The following NRCAM variants were observed in gnomAD, a reference collection of about 807,000 sequenced individuals.
The protein encoded by NRCAM is NgCAM-related cell adhesion molecule.
NRCAM carries 83 observed loss-of-function variants against 156.5 expected under a neutral mutation model. That is an observed-to-expected ratio of 0.53 (90% CI 0.44 to 0.64). The LOEUF (loss-of-function observed/expected upper bound fraction) is 0.64. NRCAM is among the 30% of genes least tolerant of loss of function. The pLI, the probability that NRCAM is intolerant of heterozygous loss-of-function variation, is 0.00. For synonymous variants in NRCAM, 538 were observed against 563.9 expected, an observed-to-expected ratio of 0.95 and a Z score of 0.65; for missense variants, 1,417 against 1,597.3, an observed-to-expected ratio of 0.89 and a Z score of 1.92.
At chr7:108,322,502 T>G (rs768273356) in intron 2 of NRCAM, among the ~76,000 whole-genome samples, 33 of 152,254 alleles carry the variant, frequency 2.2e-4, no homozygotes, top group Non-Finnish European at 3.8e-4. Context: ...CTGCAAACAC[T>G]GATTTTGTTT....
At chr7:108,194,216 T>C in intron 16 of NRCAM, 45 bp from the exon 17 acceptor site, 1 of 1,611,556 alleles carries the variant, frequency 6.2e-7, no homozygotes, top group Non-Finnish European at 8.5e-7. Context: ...AGCTGGAGAA[T>C]TTGTTCAAAG....
intron 2 of NRCAM, among the ~76,000 whole-genome samples, chr7:108,370,586 T>G (rs1323467672): frequency 6.6e-6 from 1 of 152,106 alleles, no homozygotes. Context: ...AATAAAATCG[T>G]AACGTTTTTC....
intron 1 of NRCAM, among the ~76,000 whole-genome samples, chr7:108,438,852 T>C (rs962599897): frequency 6.6e-6 from 1 of 152,102 alleles, no homozygotes; most frequent in African/African-American, 2.4e-5. Flanking sequence ...TCTAAAATGA[T>C]ATGAAGGAAA....
intron 2 of NRCAM, among the ~76,000 whole-genome samples, chr7:108,333,512 AT>A (rs143464206): frequency 0.017 from 2,611 of 152,256 alleles, 73 homozygotes; most frequent in African/African-American, 0.06. Context: ...TTAATCAGAT[AT>A]TTTCAAATAT....
intron 2 of NRCAM, among the ~76,000 whole-genome samples, chr7:108,374,349 G>A (rs757309870): frequency 5.7e-4 from 86 of 152,018 alleles, no homozygotes; most frequent in African/African-American, 2.7e-4. Context: ...AATGTGTTAC[G>A]AATAGTTTGG....
At chr7:108,154,072 T>C (rs2043366000) in intron 32 of NRCAM, among the ~76,000 whole-genome samples, 1 of 152,170 alleles carries the variant, frequency 6.6e-6, no homozygotes, top group African/African-American at 2.4e-5. Context: ...GCTGATTCTA[T>C]GATGTACAAA....
At chr7:108,373,453 G>A (rs1397209468) in intron 2 of NRCAM, among the ~76,000 whole-genome samples, 2 of 152,190 alleles carry the variant, frequency 1.3e-5, no homozygotes, top group African/African-American at 2.4e-5. Context: ...ATGTAGACCT[G>A]TTCAGAGGGT....
At chr7:108,387,661 C>T (rs981771658) in intron 2 of NRCAM, among the ~76,000 whole-genome samples, 51 of 152,014 alleles carry the variant, frequency 3.4e-4, no homozygotes, top group African/African-American at 1.1e-3. Flanking sequence ...ATGTGCTGCA[C>T]CCATTAACTC....
intron 5 of NRCAM, among the ~76,000 whole-genome samples, chr7:108,236,429 C>T (rs145889875): frequency 4.6e-5 from 7 of 152,096 alleles, no homozygotes; most frequent in Non-Finnish European, 1.0e-4. Flanking sequence ...GCCCTTCCCC[C>T]CTCCGTCATC....
rs186828711 is a variant in NRCAM at position 108,275,199 on chromosome 7, C to A, written c.-106-35029G>T. ...ATCACAGATATTGGCCTAAAATTCT[C>A]TTTTTTTGCTGTGTCTCTGCCAGAC... On this transcript the variant is annotated intron_variant, in intron 3 of 32. Coordinates refer to ENST00000379028, the MANE Select transcript of NRCAM (RefSeq NM_001037132.4). 4.6e-5 allele frequency among the ~76,000 whole-genome samples: 7 copies of A among 152,198 alleles called. No individual in the cohort carries two copies. In the East Asian group the frequency reaches 1.4e-3, roughly 29 times the overall value.
In NRCAM at chr7:108,149,974, G is replaced by A. The variant is rs201024076; in HGVS notation, c.3851C>T (p.Pro1284Leu). Reference sequence around the variant, plus strand: ...CTCTGAGCTTTCGTTTCCTTCAGCCGGCTCTTTCTCTTTCTTACCACTGTA... The same window carrying A: ...CTCTGAGCTTTCGTTTCCTTCAGCCAGCTCTTTCTCTTTCTTACCACTGTA... ...GQYSGKKEKE[P>L]AEGNESSEAP... is the part of the protein sequence containing the mutation. The change falls in exon 33 of 33, where the codon CCG becomes CTG. Residue 1284 changes from proline (P) to leucine (L), a missense_variant. This residue lies in a region of NRCAM where 179 missense variants were observed against 260.9 expected (regional missense o/e 0.69). Transcript: ENST00000379028. The A allele has an allele frequency of 1.1e-5, 17 of 1,613,916 alleles. No homozygotes were observed. Among genetic ancestry groups the A allele is most frequent in the South Asian group, 7.7e-5 (7 of 91,034 alleles).
chr7:108,273,099 A>T (rs1398652509), intron 3 of NRCAM, among the ~76,000 whole-genome samples: 2 of 152,210 alleles, frequency 1.3e-5, no homozygotes, highest in African/African-American at 4.8e-5. Context: ...ATGGCTGCAT[A>T]GCATTCCATG....
At chr7:108,318,441 T>C (rs2098958232) in intron 2 of NRCAM, among the ~76,000 whole-genome samples, 1 of 152,204 alleles carries the variant, frequency 6.6e-6, no homozygotes, top group African/African-American at 2.4e-5. Flanking sequence ...GTCTCTAGGA[T>C]AATGATGGTT....
intron 19 of NRCAM, among the ~76,000 whole-genome samples, chr7:108,190,523 C>A (rs1563347494): frequency 6.6e-6 from 1 of 152,022 alleles, no homozygotes; most frequent in Non-Finnish European, 1.5e-5. Context: ...CTACAAAGCA[C>A]AGGTTTTATA....
At chr7:108,270,995 C>T (rs1215114005) in intron 3 of NRCAM, among the ~76,000 whole-genome samples, 2 of 152,188 alleles carry the variant, frequency 1.3e-5, no homozygotes, top group South Asian at 2.1e-4. Context: ...CAGAACTATA[C>T]ACTTAAGTGT....
chr7:108,189,199 C>T (rs935328096), intron 20 of NRCAM, among the ~76,000 whole-genome samples: 12 of 152,118 alleles, frequency 7.9e-5, no homozygotes, highest in African/African-American at 2.4e-4. Context: ...CTGTTATCTA[C>T]GCCCAGTTCT....
intron 3 of NRCAM, among the ~76,000 whole-genome samples, chr7:108,255,356 C>T (rs569373480): frequency 1.8e-4 from 28 of 152,288 alleles, no homozygotes; most frequent in African/African-American, 6.3e-4. Context: ...TTGGTGGAGA[C>T]GGGGTTTCGC....
At position 108,234,579 on chromosome 7, in the gene NRCAM, T is replaced by C; in HGVS notation, c.230+4A>G. 6.5e-7 allele frequency: 1 copy of C among 1,544,076 alleles called. No individual in the cohort carries two copies. ...TACTATAACAAAGCAGAATGCACAC[T>C]CACCTTGGGGGCGGTTTCCCTTTGG... On this transcript the variant is annotated splice_donor_region_variant and intron_variant, in intron 6 of 32. Coordinates refer to ENST00000379028, the MANE Select transcript of NRCAM (RefSeq NM_001037132.4).
At chr7:108,331,570 G>C (rs2099127348) in intron 2 of NRCAM, among the ~76,000 whole-genome samples, 1 of 152,106 alleles carries the variant, frequency 6.6e-6, no homozygotes, top group South Asian at 2.1e-4. Context: ...TTCTTTGGAA[G>C]GCTATTATGA....
Sources: gnomAD v4.1 joint callset for allele counts (sites outside exome capture counted in the v4.1 genomes callset) on GRCh38, gnomAD v4.1.1 for gene constraint, gnomAD v4.1.1 regional missense constraint, MANE v1.5 for transcripts, NCBI Gene and HGNC (gene_info 2026-07-23, HGNC 2026-07-21) for gene names.